Variants in MCTP2 observed in about 807,000 individuals in gnomAD.
The protein encoded by MCTP2 is multiple C2 and transmembrane domain containing 2.
MCTP2 carries 132 observed loss-of-function variants against 111.6 expected under a neutral mutation model. The ratio of observed to expected loss-of-function variants is 1.18; its 90% confidence interval spans 1.03 to 1.37. The LOEUF is 1.37. Ranked by LOEUF, MCTP2 falls within the 40% of genes most tolerant of loss-of-function variation. The probability of loss-of-function intolerance (pLI) is 0.00; values close to 1 mark genes in which losing one functional copy is unlikely to be tolerated. For synonymous variants in MCTP2, 395 were observed against 387.7 expected, an observed-to-expected ratio of 1.02 and a Z score of -0.22; for missense variants, 1,183 against 1,067.9, an observed-to-expected ratio of 1.11 and a Z score of -1.50.
intron 1 of MCTP2, among the ~76,000 whole-genome samples, chr15:94,276,914 T>A: frequency 8.1e-6 from 1 of 123,000 alleles, no homozygotes; most frequent in African/African-American, 3.2e-5. Context: ...ATGGTTAATA[T>A]CACAACTACT....
intron 1 of MCTP2, among the ~76,000 whole-genome samples, chr15:94,292,314 A>C (rs2075069855): frequency 1.3e-5 from 2 of 152,224 alleles, no homozygotes; most frequent in South Asian, 4.1e-4. Flanking sequence ...CAATAAGGCA[A>C]GAAAAAGAAA....
chr15:94,247,356 A>G (rs547881491), intron 1 of MCTP2, among the ~76,000 whole-genome samples: 1 of 152,158 alleles, frequency 6.6e-6, no homozygotes, highest in Non-Finnish European at 1.5e-5. Flanking sequence ...CAGGATTGTA[A>G]AGGATTTCTG....
At chr15:94,333,568 A>T (rs2077225492) in intron 4 of MCTP2, among the ~76,000 whole-genome samples, 1 of 152,192 alleles carries the variant, frequency 6.6e-6, no homozygotes, top group Admixed American at 6.5e-5. Context: ...CACCATTTGT[A>T]TTGGTACCAG....
chr15:94,295,646 C>T (rs2075240655), intron 1 of MCTP2, among the ~76,000 whole-genome samples: 1 of 152,104 alleles, frequency 6.6e-6, no homozygotes, highest in Non-Finnish European at 1.5e-5. Context: ...TTTATGTTTT[C>T]CATATATATT....
At chr15:94,382,888 C>G (rs1177128136) in intron 12 of MCTP2, among the ~76,000 whole-genome samples, 3 of 152,388 alleles carry the variant, frequency 2.0e-5, no homozygotes, top group East Asian at 1.9e-4. Context: ...CTGACAGTTC[C>G]AAATCCAGAT....
chr15:94,390,056 A>ATACG (rs1332346221), intron 14 of MCTP2, among the ~76,000 whole-genome samples: 1 of 7,648 alleles, frequency 1.3e-4, no homozygotes, highest in Non-Finnish European at 5.5e-4. Flanking sequence ...AGGCATATAT[A>ATACG]TATATATATA....
intron 12 of MCTP2, among the ~76,000 whole-genome samples, chr15:94,376,101 G>T (rs1192524238): frequency 6.6e-6 from 1 of 152,130 alleles, no homozygotes; most frequent in Non-Finnish European, 1.5e-5. Flanking sequence ...TGTAGGAGGT[G>T]GTGTGTACCT....
intron 17 of MCTP2, among the ~76,000 whole-genome samples, chr15:94,424,419 C>T (rs2082778628): frequency 6.6e-6 from 1 of 152,092 alleles, no homozygotes; most frequent in Non-Finnish European, 1.5e-5. Flanking sequence ...CAGTGAGGTG[C>T]CTGGAGGGCA....
chr15:94,261,930 A>G (rs181318006), intron 1 of MCTP2, among the ~76,000 whole-genome samples: 247 of 152,310 alleles, frequency 1.6e-3, no homozygotes, highest in African/African-American at 5.7e-3. Flanking sequence ...TTTATTGGTT[A>G]GGAAACTATA....
At chr15:94,365,382 G>A (rs1216885039) in intron 10 of MCTP2, among the ~76,000 whole-genome samples, 1 of 152,086 alleles carries the variant, frequency 6.6e-6, no homozygotes, top group African/African-American at 2.4e-5. Flanking sequence ...TGATTTTTTT[G>A]TAATAACGTA....
intron 11 of MCTP2, among the ~76,000 whole-genome samples, chr15:94,368,454 T>C (rs1417117424): frequency 1.3e-5 from 2 of 152,218 alleles, no homozygotes; most frequent in African/African-American, 4.8e-5. Flanking sequence ...ATATGTTTAT[T>C]TTAGTGCCAC....
chr15:94,238,845 T>A (rs1282404697), intron 1 of MCTP2, among the ~76,000 whole-genome samples: 1 of 151,842 alleles, frequency 6.6e-6, no homozygotes, highest in African/African-American at 2.4e-5. Flanking sequence ...GGCTAGTCTG[T>A]TTAAGCTTTG....
intron 8 of MCTP2, among the ~76,000 whole-genome samples, chr15:94,348,876 G>A (rs768459403): frequency 6.6e-6 from 1 of 151,922 alleles, no homozygotes; most frequent in Admixed American, 6.6e-5. Flanking sequence ...AGTAACACCT[G>A]TTACCTTTTT....
chr15:94,423,809 A>T (rs558200204), intron 17 of MCTP2, among the ~76,000 whole-genome samples: 1 of 152,316 alleles, frequency 6.6e-6, no homozygotes, highest in East Asian at 1.9e-4. Flanking sequence ...TACGTGATCT[A>T]CTGTAAGGGA....
Position 94,370,094 on chromosome 15 carries a change from A to G in MCTP2, c.1496A>G (p.Gln499Arg). 1 of 1,611,400 alleles carries G rather than the reference A, an allele frequency of 6.2e-7. No homozygotes were observed. The highest frequency in any genetic ancestry group is 8.5e-7 in the Non-Finnish European group (1 of 1,178,844). The change falls in exon 12 of 23, where the codon CAG (glutamine) becomes CGG (arginine). Residue 499 changes from glutamine (Q) to arginine (R), a missense_variant. By Grantham distance (43) the Gln-to-Arg change is conservative. Transcript: ENST00000357742. ...CACCTTTTCAACCCTCAGTGCTTACAGAACTCCCTGAAAGATGTGAAAGAC... is the reference window on the plus strand; with the variant it reads ...CACCTTTTCAACCCTCAGTGCTTACGGAACTCCCTGAAAGATGTGAAAGAC... ...RKQITQRYCL[Q>R]NSLKDVKDVG...
chr15:94,236,085 A>G (rs2152209355), intron 1 of MCTP2, among the ~76,000 whole-genome samples: 1 of 152,300 alleles, frequency 6.6e-6, no homozygotes, highest in Non-Finnish European at 1.5e-5. Flanking sequence ...ACCATTTCCC[A>G]TAGCGTCATG....
intron 1 of MCTP2, among the ~76,000 whole-genome samples, chr15:94,284,081 G>C (rs971625694): frequency 1.3e-5 from 2 of 152,122 alleles, no homozygotes; most frequent in Non-Finnish European, 2.9e-5. Context: ...GAATAGTTTG[G>C]CAATACCTAG....
intron 20 of MCTP2, among the ~76,000 whole-genome samples, chr15:94,462,346 A>G (rs924818123): frequency 6.6e-6 from 1 of 152,234 alleles, no homozygotes; most frequent in Non-Finnish European, 1.5e-5. Context: ...CATTTGTCTC[A>G]TAAGTGCCTA....
intron 1 of MCTP2, among the ~76,000 whole-genome samples, chr15:94,297,612 AGC>A (rs2075334141): frequency 6.6e-6 from 1 of 152,158 alleles, no homozygotes; most frequent in African/African-American, 2.4e-5. Context: ...AGCAGGGATC[AGC>A]AAGCCACAGT....
Sources: gnomAD v4.1 joint callset for allele counts (sites outside exome capture counted in the v4.1 genomes callset) on GRCh38, gnomAD v4.1.1 for gene constraint, MANE v1.5 for transcripts, NCBI Gene and HGNC (gene_info 2026-07-23, HGNC 2026-07-21) for gene names.